DYNAP: variants seen among roughly 807,000 people sequenced by gnomAD.
DYNAP encodes dynactin associated protein.
A neutral mutation model predicts 8.5 loss-of-function variants in DYNAP; 7 were observed. That is an observed-to-expected ratio of 0.82 (90% CI 0.47 to 1.54). DYNAP has a LOEUF of 1.54. DYNAP is among the 40% of genes most tolerant of loss of function. The pLI is 0.01. For synonymous variants in DYNAP, 77 were observed against 77.9 expected, an observed-to-expected ratio of 0.99 and a Z score of 0.06; for missense variants, 256 against 224.3, an observed-to-expected ratio of 1.14 and a Z score of -0.90.
intron 1 of DYNAP, among the ~76,000 whole-genome samples, chr18:54,594,290 G>T (rs1279677963): frequency 6.6e-6 from 1 of 152,098 alleles, no homozygotes; most frequent in Non-Finnish European, 1.5e-5. Context: ...TTTGTCTTCT[G>T]TGTCACTGCC....
At chr18:54,592,506 A>G (rs2144887586) in intron 1 of DYNAP, among the ~76,000 whole-genome samples, 1 of 152,260 alleles carries the variant, frequency 6.6e-6, no homozygotes. Context: ...TGAAGATTAT[A>G]AACACACAGA....
At chr18:54,583,002 T>C (rs1482788545), upstream of DYNAP, among the ~76,000 whole-genome samples, 1 of 152,228 alleles carries the variant, frequency 6.6e-6, no homozygotes, top group Non-Finnish European at 1.5e-5. Context: ...ACACGTTTCA[T>C]TGATCATCCT....
chr18:54,584,975 A>G (rs1910827114), upstream of DYNAP, among the ~76,000 whole-genome samples: 1 of 152,112 alleles, frequency 6.6e-6, no homozygotes, highest in Admixed American at 6.6e-5. Flanking sequence ...AATGGATGCT[A>G]TTTAGGGGTT....
rs201631044 is a variant in DYNAP at position 54,595,044 on chromosome 18, G to A, written c.163G>A (p.Val55Met). Residue 55 changes from valine to methionine, a missense_variant, in exon 2 of 3, where the codon GTG (valine) becomes ATG (methionine). Physicochemically the swap from Val to Met is conservative, Grantham distance 21. Coordinates refer to ENST00000648945, the MANE Select transcript of DYNAP (RefSeq NM_173629.3). ...CTCTCCCAACTTAACTGGGGTCTGC[G>A]TGAACCCAGGAATCCTTGCACATTC... ...DVSPNLTGVC[V>M]NPGILAHSRC... 317 of 1,612,762 alleles carry A rather than the reference G, an allele frequency of 2.0e-4. No homozygotes were observed. Among genetic ancestry groups the A allele is most frequent in the Middle Eastern group, 8.3e-4 (5 of 6,052 alleles).
upstream of DYNAP, among the ~76,000 whole-genome samples, chr18:54,589,723 C>T (rs992362460): frequency 6.6e-6 from 1 of 152,084 alleles, no homozygotes; most frequent in Non-Finnish European, 1.5e-5. Context: ...TTCACTTCCA[C>T]TGTGGCTATG....
At chr18:54,579,576 A>G in the DYNAP span, among the ~76,000 whole-genome samples, 2 of 152,260 alleles carry the variant, frequency 1.3e-5, no homozygotes, top group Admixed American at 1.3e-4. Context: ...GAACAATTTG[A>G]AAGTGAGTGG....
the DYNAP span, among the ~76,000 whole-genome samples, chr18:54,579,160 T>A: frequency 2.0e-5 from 3 of 152,210 alleles, no homozygotes; most frequent in Non-Finnish European, 4.4e-5. Context: ...TGTATTACTC[T>A]ACAGTACTAA....
upstream of DYNAP, among the ~76,000 whole-genome samples, chr18:54,588,150 T>TCCAGTTTTCAGACATGCCTGTGATAC: frequency 6.6e-6 from 1 of 152,092 alleles, no homozygotes; most frequent in African/African-American, 2.4e-5. Context: ...TAATTTGATA[T>TCCAGTTTTCAGACATGCCTGTGATAC]CCAGTTTTCA....
upstream of DYNAP, among the ~76,000 whole-genome samples, chr18:54,587,355 C>T (rs962246999): frequency 2.0e-4 from 30 of 152,108 alleles, no homozygotes; most frequent in African/African-American, 7.2e-4. Context: ...AGTTCATGTC[C>T]AGCCTGGGCA....
At chr18:54,591,075 T>C (rs140068793), upstream of DYNAP, 3,736 of 907,548 alleles carry the variant, frequency 4.1e-3, 15 homozygotes, top group Middle Eastern at 0.011. Context: ...TTTTCTTGCG[T>C]CTTTCTGCAG....
In DYNAP at chr18:54,595,050, C is replaced by G; in HGVS notation, c.169C>G (p.Pro57Ala). The change falls in exon 2 of 3, where the codon CCA becomes GCA. Residue 57 changes from proline (P) to alanine (A), a missense_variant. Pro to Ala is a conservative substitution (Grantham distance 27). Coordinates refer to ENST00000648945, the MANE Select transcript of DYNAP (RefSeq NM_173629.3). ...SPNLTGVCVN[P>A]GILAHSRCLQ... ...CAACTTAACTGGGGTCTGCGTGAAC[C>G]CAGGAATCCTTGCACATTCAAGATG... 2 of 1,612,656 alleles carry G rather than the reference C, an allele frequency of 1.2e-6. No homozygotes were observed. The highest frequency in any genetic ancestry group is 1.1e-5 in the South Asian group (1 of 90,992).
chr18:54,588,238 G>T (rs959281029), upstream of DYNAP, among the ~76,000 whole-genome samples: 4 of 141,972 alleles, frequency 2.8e-5, no homozygotes, highest in African/African-American at 5.2e-5. Flanking sequence ...ACGGAGTCTT[G>T]CTCTGTCACC....
In DYNAP at chr18:54,595,109, G is replaced by A. The variant is rs747569971; in HGVS notation, c.222+6G>A. On this transcript the variant is annotated splice_donor_region_variant and intron_variant, in intron 2 of 2. Coordinates refer to ENST00000648945, the MANE Select transcript of DYNAP (RefSeq NM_173629.3). Reference sequence around the variant, plus strand: ...CAGAATCCTGTAACACACAGGTAATGTGTAGCACGGGAGCTTTTATTCAAG... The same window carrying A: ...CAGAATCCTGTAACACACAGGTAATATGTAGCACGGGAGCTTTTATTCAAG... The A allele has an allele frequency of 8.7e-6, 14 of 1,607,296 alleles. No homozygotes were observed. In the East Asian group the frequency reaches 1.8e-4, roughly 21 times the overall value.
rs151061976 is a variant in DYNAP, at chr18:54,597,973, A to T, written c.383A>T (p.Asp128Val). Residue 128 changes from aspartate to valine, a missense_variant, in exon 3 of 3, where the codon GAT (aspartate) becomes GTT (valine). Coordinates refer to ENST00000648945, the MANE Select transcript of DYNAP (RefSeq NM_173629.3). ...ATTGTTATCCAGCTATCCACAAATG[A>T]TGGAGAGTGTGTGACTGTCAAACCT... is the stretch of plus-strand genomic sequence containing the variant. ...SSIVIQLSTN[D>V]GECVTVKPGT... 1 of 1,613,456 alleles carries T rather than the reference A, an allele frequency of 6.2e-7. No homozygotes were observed. Among genetic ancestry groups the T allele is most frequent in the South Asian group, 1.1e-5 (1 of 91,070 alleles).
rs781516572 is a variant in DYNAP at position 54,595,003 on chromosome 18, A to T, written c.122A>T (p.Asp41Val). The change falls in exon 2 of 3, where the codon GAT becomes GTT. Residue 41 changes from aspartate (D) to valine (V), a missense_variant. Physicochemically the swap from Asp to Val is radical, Grantham distance 152 (BLOSUM62 -3). Coordinates refer to ENST00000648945, the MANE Select transcript of DYNAP (RefSeq NM_173629.3). ...ATATGCTGGTGTCTACCTTCAAATGATATAACCAGTGATGTCTCTCCCAAC... is the reference window on the plus strand; with the variant it reads ...ATATGCTGGTGTCTACCTTCAAATGTTATAACCAGTGATGTCTCTCCCAAC... ...SSICWCLPSNDITSDVSPNLT... is the reference protein window; with the variant it reads ...SSICWCLPSNVITSDVSPNLT... 4 of 1,612,730 alleles carry T rather than the reference A, an allele frequency of 2.5e-6. No homozygotes were observed. The African/African-American group carries it at 5.3e-5, about 22-fold the overall frequency.
chr18:54,587,247 TA>T (rs2144882575), upstream of DYNAP, among the ~76,000 whole-genome samples: 1 of 152,308 alleles, frequency 6.6e-6, no homozygotes, highest in African/African-American at 2.4e-5. Flanking sequence ...TAACTGTCTT[TA>T]AAAAATTGTA....
rs1298353446 is a variant in DYNAP at position 54,591,287 on chromosome 18, A to G, written c.5A>G (p.Asp2Gly). MDRKHGKYILNV... is the reference protein window; with the variant it reads MGRKHGKYILNV... ...TGTGATACTGGCAGCTCAAGAATGGACAGAAAGCATGGAAAATACATATTG... is the reference window on the plus strand; with the variant it reads ...TGTGATACTGGCAGCTCAAGAATGGGCAGAAAGCATGGAAAATACATATTG... Residue 2 changes from aspartate to glycine, a missense_variant, in exon 1 of 3, where the codon GAC becomes GGC. By Grantham distance (94) the Asp-to-Gly change is moderately conservative. Transcript: ENST00000648945. 1 of 1,613,092 alleles carries G rather than the reference A, an allele frequency of 6.2e-7. No individual in the cohort carries two copies. The highest frequency in any genetic ancestry group is 1.7e-5 in the Admixed American group (1 of 59,956).
Position 54,598,271 on chromosome 18 carries a change from T to C in DYNAP, c.*126T>C. On this transcript the variant is annotated 3_prime_UTR_variant, in exon 3 of 3. Coordinates refer to ENST00000648945, the MANE Select transcript of DYNAP (RefSeq NM_173629.3). ...CATGGCTGCAGTCACTTTAACAGAC[T>C]CTATAACCGTTACAACTTCAACAAA... 1 of 979,974 alleles carries C rather than the reference T, an allele frequency of 1.0e-6. No individual in the cohort carries two copies. Among genetic ancestry groups the C allele is most frequent in the South Asian group, 1.9e-5 (1 of 51,800 alleles). The allele number at this position is 979,974 out of a possible 1,614,324, so 60.7% of individuals were successfully genotyped here.
intron 2 of DYNAP, among the ~76,000 whole-genome samples, chr18:54,596,121 G>A (rs771640041): frequency 2.0e-5 from 3 of 151,586 alleles, no homozygotes. Context: ...CACCTAGGCT[G>A]GAGTGCAGTG....
Sources: gnomAD v4.1 joint callset for allele counts (sites outside exome capture counted in the v4.1 genomes callset) on GRCh38, gnomAD v4.1.1 for gene constraint, MANE v1.5 for transcripts, NCBI Gene and HGNC (gene_info 2026-07-23, HGNC 2026-07-21) for gene names.